Variants in LRSAM1 observed in about 807,000 individuals in gnomAD.
LRSAM1 encodes leucine rich repeat and sterile alpha motif containing 1.
Under a neutral mutation model 118.1 loss-of-function variants are expected in LRSAM1, and 96 were observed. The ratio of observed to expected loss-of-function variants is 0.81; its 90% CI spans 0.69 to 0.96. LRSAM1 has a LOEUF of 0.96. LRSAM1 is among the 40% of genes least tolerant of loss of function. The probability of loss-of-function intolerance (pLI) is 0.00; values close to 1 mark genes in which losing one functional copy is unlikely to be tolerated. For missense variants in LRSAM1, 804 were observed against 915.5 expected (o/e 0.88, Z 1.57); for synonymous variants, 322 against 364.2 (o/e 0.88, Z 1.32).
chr9:127,460,014 T>C (rs1185789658), intron 7 of LRSAM1, among the ~76,000 whole-genome samples: 1 of 151,928 alleles, frequency 6.6e-6, no homozygotes, highest in Non-Finnish European at 1.5e-5. Flanking sequence ...TTTGTTTGTA[T>C]TTTTGAGATA....
intron 8 of LRSAM1, 42 bp from the exon 9 acceptor site, chr9:127,462,210 G>A (rs1463413500): frequency 6.2e-7 from 1 of 1,612,642 alleles, no homozygotes. Context: ...AGCTGGTGAT[G>A]GGGATTTGGG....
At position 127,497,316 on chromosome 9, in the gene LRSAM1, G is replaced by A; in HGVS notation, c.1894G>A (p.Ala632Thr). ...ILRRVQELLD[A>T]ARIQPELKPP... ...CCGGAGAGTCCAGGAACTGCTGGAT[G>A]CAGCCAGGATCCAGCCAGGTACAAG... is the stretch of plus-strand genomic sequence containing the variant. The change falls in exon 24 of 26, where the codon GCA becomes ACA. Residue 632 changes from alanine (A) to threonine (T), a missense_variant. Transcript: ENST00000300417. The A allele has an allele frequency of 1.9e-6, 3 of 1,612,522 alleles. No individual in the cohort carries two copies. Among genetic ancestry groups the A allele is most frequent in the Non-Finnish European group, 2.5e-6 (3 of 1,179,870 alleles).
chr9:127,455,273 A>G (rs1834474086), intron 4 of LRSAM1, among the ~76,000 whole-genome samples: 1 of 143,266 alleles, frequency 7.0e-6, no homozygotes, highest in Non-Finnish European at 1.5e-5. Context: ...TAGGTAGAAA[A>G]TGTACCCATA....
chr9:127,461,334 C>T (rs911235591), intron 8 of LRSAM1, 77 bp downstream of exon 8: 19 of 1,345,094 alleles, frequency 1.4e-5, no homozygotes, highest in African/African-American at 2.9e-5. Context: ...CAGGCTGCCC[C>T]GCCCGGGAGC....
rs1384909958 is a variant in LRSAM1, at chr9:127,465,837, G to A, written c.529-1903G>A. The stretch of plus-strand genomic sequence containing the variant: ...GAAGTCAGAGGTTGGCAGCGGGAGG[G>A]CAGGGTCCAACACAACTCACACCGT... On this transcript the variant is annotated intron_variant, in intron 9 of 25. Coordinates refer to ENST00000300417, the MANE Select transcript of LRSAM1 (RefSeq NM_001005373.4). The surrounding 1 kb of genome is among the most constrained non-coding windows in gnomAD (Gnocchi z 4.1). 1.3e-5 allele frequency among the ~76,000 whole-genome samples: 2 copies of A among 152,196 alleles called. No individual in the cohort carries two copies. Among genetic ancestry groups the A allele is most frequent in the Non-Finnish European group, 2.9e-5 (2 of 68,038 alleles).
rs751429630 is a variant in LRSAM1, at chr9:127,455,068, A to G, written c.129+14A>G. ...GAGCTCTCAGAGGTAAACTGAGGAT[A>G]GTGTTGGGCTGTGAATTGGATCTGT... is the stretch of plus-strand genomic sequence containing the variant. On this transcript the variant is annotated intron_variant, in intron 4 of 25. Transcript: ENST00000300417. The G allele has an allele frequency of 1.2e-6, 2 of 1,613,198 alleles. No homozygotes were observed. Among genetic ancestry groups the G allele is most frequent in the Admixed American group, 1.7e-5 (1 of 59,990 alleles).
chr9:127,466,877 C>T (rs1452362533), intron 9 of LRSAM1, among the ~76,000 whole-genome samples: 1 of 151,956 alleles, frequency 6.6e-6, no homozygotes, highest in East Asian at 1.9e-4. Flanking sequence ...GTGGCATGTG[C>T]TTATAGTCCC....
chr9:127,487,680 G>A lies in LRSAM1; in HGVS notation c.1264G>A (p.Ala422Thr), dbSNP rs372452916. ...AATTTGCTGTCTTTCTGGCAGCATG[G>A]CCGAAATGGATGAACGATTCCAGCA... ...NLVQQACSSM[A>T]EMDERFQQIL... Residue 422 changes from alanine to threonine, a missense_variant, in exon 18 of 26, where the codon GCC (alanine) becomes ACC (threonine). Coordinates refer to ENST00000300417, the MANE Select transcript of LRSAM1 (RefSeq NM_001005373.4). 31 of 1,613,290 alleles carry A rather than the reference G, an allele frequency of 1.9e-5. No homozygotes were observed. The African/African-American group carries it at 3.3e-4, about 17-fold the overall frequency.
rs375737634 is a variant in LRSAM1 at position 127,492,820 on chromosome 9, C to T, written c.1522C>T (p.Arg508Cys). ...TTCGCAGGAGATGATCTCGGAGCAG[C>T]GCTGGGCCCTCAGCTCCCTGCTCCA... ...ESLQEMISEQ[R>C]WALSSLLQQL... Residue 508 changes from arginine (R) to cysteine (C), a missense_variant, in exon 21 of 26, where the codon CGC (arginine) becomes TGC (cysteine). Arg to Cys is a radical substitution (Grantham distance 180). Coordinates refer to ENST00000300417, the MANE Select transcript of LRSAM1 (RefSeq NM_001005373.4). 9 of 1,613,716 alleles carry T rather than the reference C, an allele frequency of 5.6e-6. No homozygotes were observed. Among genetic ancestry groups the T allele is most frequent in the South Asian group, 5.5e-5 (5 of 91,074 alleles).
rs1159833487 is a variant in LRSAM1 at position 127,491,005 on chromosome 9, A to G, written c.1423-210A>G. Reference sequence around the variant, plus strand: ...AATTTTGGCCACAACAAGCACGTCCATGCCCCAGGAACGCGAGGCCATGAA... The same window carrying G: ...AATTTTGGCCACAACAAGCACGTCCGTGCCCCAGGAACGCGAGGCCATGAA... On this transcript the variant is annotated intron_variant, in intron 19 of 25. Transcript: ENST00000300417. Among the ~76,000 whole-genome samples the G allele has an allele frequency of 4.7e-5, 3 of 63,600 alleles. No individual in the cohort carries two copies. The Admixed American group carries it at 5.3e-4, about 11-fold the overall frequency. 41.7% of individuals were successfully genotyped at this position (63,600 alleles called of 152,430 possible).
rs751273880 is a variant in LRSAM1 at position 127,500,991 on chromosome 9, G to A, written c.1913-19G>A. 3 of 1,613,720 alleles carry A rather than the reference G, an allele frequency of 1.9e-6. No individual in the cohort carries two copies. The African/African-American group carries it at 4.0e-5, about 22-fold the overall frequency. ...AGCGGAGATGACCCTGGCTCAGTCT[G>A]TCTGTCTGGTCCCCACAGAGCTGAA... On this transcript the variant is annotated intron_variant, in intron 24 of 25. Transcript: ENST00000300417.
At chr9:127,499,644 G>A (rs997528566) in intron 24 of LRSAM1, among the ~76,000 whole-genome samples, 2 of 151,936 alleles carry the variant, frequency 1.3e-5, no homozygotes, top group African/African-American at 4.8e-5. Context: ...AAAATCTTTA[G>A]TTGTGGCCGG....
intron 24 of LRSAM1, among the ~76,000 whole-genome samples, chr9:127,498,038 G>A (rs1049199493): frequency 8.5e-5 from 13 of 152,234 alleles, no homozygotes; most frequent in African/African-American, 2.9e-4. Context: ...AGAGGTGAGG[G>A]GCCAGAGCAG....
chr9:127,469,920 G>A (rs1157915258), intron 10 of LRSAM1, among the ~76,000 whole-genome samples: 2 of 152,098 alleles, frequency 1.3e-5, no homozygotes, highest in African/African-American at 2.4e-5. Context: ...AGCCGAGATT[G>A]CGCCACTGCA....
intron 8 of LRSAM1, among the ~76,000 whole-genome samples, chr9:127,461,932 C>G (rs1438558264): frequency 1.3e-5 from 2 of 152,156 alleles, no homozygotes; most frequent in Non-Finnish European, 2.9e-5. Context: ...CATGAGGGGC[C>G]CTGTGCGGAG....
chr9:127,455,292 C>T (rs1834474760), intron 4 of LRSAM1, among the ~76,000 whole-genome samples: 1 of 144,126 alleles, frequency 6.9e-6, no homozygotes. Context: ...TAGACTCCTA[C>T]ATTGCTGGAA....
chr9:127,455,180 T>G, intron 4 of LRSAM1, 126 bp downstream of exon 4: 1 of 986,002 alleles, frequency 1.0e-6, no homozygotes. Flanking sequence ...ACGAGATGTT[T>G]CCTTAGATTT....
intron 21 of LRSAM1, 33 bp from the exon 22 acceptor site, chr9:127,495,287 T>C: frequency 6.3e-7 from 1 of 1,596,084 alleles, no homozygotes; most frequent in Middle Eastern, 1.7e-4. Flanking sequence ...ATTACCATTT[T>C]GTGACTAACA....
Position 127,467,820 on chromosome 9 carries a change from C to A in LRSAM1, c.609C>A (p.Phe203Leu). ...CGAGTAAILQ[F>L]LCKESGLEYY... ...CCGGCACTGCGGCCATCTTGCAGTT[C>A]CTCTGCAAAGGTAAAGCCAGGCCGC... The change falls in exon 10 of 26, where the codon TTC (phenylalanine) becomes TTA (leucine). Residue 203 changes from phenylalanine to leucine, a missense_variant. Coordinates refer to ENST00000300417, the MANE Select transcript of LRSAM1 (RefSeq NM_001005373.4). 1 of 1,598,994 alleles carries A rather than the reference C, an allele frequency of 6.3e-7. No individual in the cohort carries two copies. Among genetic ancestry groups the A allele is most frequent in the African/African-American group, 1.3e-5 (1 of 75,000 alleles).
Sources: allele counts gnomAD v4.1 joint callset (sites outside exome capture counted in the v4.1 genomes callset), GRCh38; gene constraint gnomAD v4.1.1; non-coding constraint Gnocchi (gnomAD v3.1); transcripts MANE v1.5; gene names NCBI Gene and HGNC (gene_info 2026-07-23, HGNC 2026-07-21).